Variants in NOS1 observed in about 807,000 individuals in gnomAD.
The protein encoded by NOS1 is nitric oxide synthase 1, also known as NOS type I.
In NOS1, 51 loss-of-function variants were observed where a neutral mutation model predicts 164.5. That is an observed-to-expected ratio of 0.31 (90% CI 0.25 to 0.39). NOS1 has a LOEUF of 0.39. Among genes scored for constraint, NOS1 ranks in the 10% least tolerant of loss-of-function variants. The pLI, the probability that NOS1 is intolerant of heterozygous loss-of-function variation, is 1.00. For synonymous variants in NOS1, 719 were observed against 745.8 expected (o/e 0.96, Z 0.59); for missense variants, 1,362 against 1,885.6 (o/e 0.72, Z 5.14).
intron 1 of NOS1, among the ~76,000 whole-genome samples, chr12:117,338,999 A>G (rs1593035041): frequency 6.6e-6 from 1 of 152,312 alleles, no homozygotes; most frequent in Non-Finnish European, 1.5e-5. Flanking sequence ...CAAAAGACTG[A>G]AAGCGTAAAC....
chr12:117,303,809 C>A (rs540130829), intron 3 of NOS1, among the ~76,000 whole-genome samples: 33 of 152,278 alleles, frequency 2.2e-4, no homozygotes, highest in African/African-American at 7.9e-4. Context: ...GGGAGGATGG[C>A]CCAACAGCAG....
chr12:117,226,397 A>G (rs1322447123), intron 24 of NOS1, among the ~76,000 whole-genome samples: 1 of 152,038 alleles, frequency 6.6e-6, no homozygotes, highest in African/African-American at 2.4e-5. Flanking sequence ...GAAGGTGGAG[A>G]CTGTATTTGC....
At chr12:117,237,242 C>T (rs113978891) in intron 20 of NOS1, among the ~76,000 whole-genome samples, 25 of 152,120 alleles carry the variant, frequency 1.6e-4, no homozygotes, top group African/African-American at 5.5e-4. Flanking sequence ...AGAGATTCTC[C>T]TGCCTCAGCC....
chr12:117,272,237 G>T lies in NOS1; in HGVS notation c.1839+148C>A, dbSNP rs563791932. 3 of 791,090 alleles carry T rather than the reference G, an allele frequency of 3.8e-6. No individual in the cohort carries two copies. In the East Asian group the frequency reaches 7.4e-5, roughly 20 times the overall value. The allele number at this position is 791,090 out of a possible 1,614,324, so 49.0% of individuals were successfully genotyped here. ...GTTGTTAAAGACATGGATGCCCCTG[G>T]CATTTCCAGGGGCTTCTCTGGGATT... On this transcript the variant is annotated intron_variant, in intron 10 of 28. Transcript: ENST00000317775. This position sits in a 1 kb window ranked among gnomAD's most constrained non-coding sequence, Gnocchi z 4.3.
At chr12:117,318,509 T>C (rs905304347) in intron 2 of NOS1, among the ~76,000 whole-genome samples, 3 of 152,234 alleles carry the variant, frequency 2.0e-5, no homozygotes, top group African/African-American at 7.2e-5. Flanking sequence ...TGGATGATCA[T>C]ACCCAAGCCA....
intron 22 of NOS1, among the ~76,000 whole-genome samples, chr12:117,229,867 G>A (rs1316509117): frequency 2.0e-5 from 3 of 152,238 alleles, no homozygotes; most frequent in Non-Finnish European, 4.4e-5. Flanking sequence ...GGGATCACAG[G>A]CGTGAGCCAC....
chr12:117,341,645 C>T (rs7134020), intron 1 of NOS1, among the ~76,000 whole-genome samples: 1,685 of 152,306 alleles, frequency 0.011, 34 homozygotes, highest in African/African-American at 0.038. Context: ...CACAGATGCA[C>T]TTCTGCCTCC....
At position 117,300,171 on chromosome 12, in the gene NOS1, T is replaced by C. The variant is rs146568370; in HGVS notation, c.853-9745A>G. Among the ~76,000 whole-genome samples, 512 of 152,262 alleles carry C rather than the reference T, an allele frequency of 3.4e-3. 3 individuals are homozygous for C. The highest frequency in any genetic ancestry group is 0.012 in the African/African-American group (485 of 41,540). ...GCCTCTGTTTGGTGGGAGGTTGGTT[T>C]TGGCAACTGATACCAATTTACAGAG... is the stretch of plus-strand genomic sequence containing the variant. On this transcript the variant is annotated intron_variant, in intron 3 of 28. Transcript: ENST00000317775.
At position 117,214,256 on chromosome 12, in the gene NOS1, T is replaced by C. The variant is rs1214832182; in HGVS notation, c.*1053A>G. 1.0e-6 allele frequency: 1 copy of C among 985,430 alleles called. No individual in the cohort carries two copies. Among genetic ancestry groups the C allele is most frequent in the Non-Finnish European group, 1.2e-6 (1 of 829,928 alleles). 61.0% of individuals were successfully genotyped at this position (985,430 alleles called of 1,614,324 possible). ...GTTTCCAGGCACCAAAGCTTTAACA[T>C]TTAATCCATTCATATTCTTTAGGTT... On this transcript the variant is annotated 3_prime_UTR_variant, in exon 29 of 29. Coordinates refer to ENST00000317775, the MANE Select transcript of NOS1 (RefSeq NM_000620.5).
chr12:117,295,707 A>G (rs934339756), intron 3 of NOS1, among the ~76,000 whole-genome samples: 6 of 144,382 alleles, frequency 4.2e-5, no homozygotes, highest in Non-Finnish European at 8.9e-5. Flanking sequence ...AACCTCCATC[A>G]TCTTCTGGGT....
At chr12:117,224,978 G>T in intron 25 of NOS1, 38 bp downstream of exon 25, 1 of 1,612,956 alleles carries the variant, frequency 6.2e-7, no homozygotes, top group Non-Finnish European at 8.5e-7. Context: ...CCCCAGGTCC[G>T]GGGGTGGGAA....
intron 3 of NOS1, among the ~76,000 whole-genome samples, chr12:117,293,453 T>C (rs1400936860): frequency 1.3e-5 from 2 of 152,116 alleles, no homozygotes; most frequent in East Asian, 3.9e-4. Context: ...CTAGAATCCA[T>C]TCACTCCTCT....
chr12:117,248,020 C>T (rs1262605452), intron 17 of NOS1, among the ~76,000 whole-genome samples: 1 of 151,188 alleles, frequency 6.6e-6, no homozygotes, highest in African/African-American at 2.4e-5. Flanking sequence ...CTCTCTCTAG[C>T]TCCCTCTCTC....
At chr12:117,277,593 CA>C (rs533956256) in intron 9 of NOS1, among the ~76,000 whole-genome samples, 1 of 150,100 alleles carries the variant, frequency 6.7e-6, no homozygotes, top group Non-Finnish European at 1.5e-5. Flanking sequence ...GACCCTGTCT[CA>C]AAAAAAAGAA....
chr12:117,325,741 C>T (rs574653666), intron 2 of NOS1, among the ~76,000 whole-genome samples: 20 of 152,272 alleles, frequency 1.3e-4, no homozygotes, highest in African/African-American at 4.8e-4. Flanking sequence ...ATCACCAAGG[C>T]GACGCTGCTC....
chr12:117,222,690 T>G, intron 26 of NOS1, 25 bp downstream of exon 26: 1 of 1,611,560 alleles, frequency 6.2e-7, no homozygotes, highest in Non-Finnish European at 8.5e-7. Flanking sequence ...TGGGCTGGGC[T>G]AGGGGGTGGG....
intron 1 of NOS1, among the ~76,000 whole-genome samples, chr12:117,348,739 C>G (rs1287014386): frequency 1.1e-4 from 16 of 152,122 alleles, no homozygotes; most frequent in Non-Finnish European, 2.4e-4. Context: ...CAAATTCACA[C>G]AAAGTGGCAC....
At chr12:117,271,983 G>A (rs1403932017) in intron 10 of NOS1, among the ~76,000 whole-genome samples, 2 of 152,272 alleles carry the variant, frequency 1.3e-5, no homozygotes, top group South Asian at 2.1e-4. Context: ...AAGACCGAGA[G>A]GCAGCGGAGT....
chr12:117,306,883 G>T (rs992570570), intron 3 of NOS1, among the ~76,000 whole-genome samples: 1 of 152,212 alleles, frequency 6.6e-6, no homozygotes, highest in African/African-American at 2.4e-5. Context: ...GCCTCCCAAA[G>T]TGCTGGGATT....
Sources: allele counts gnomAD v4.1 joint callset (sites outside exome capture counted in the v4.1 genomes callset), GRCh38; gene constraint gnomAD v4.1.1; non-coding constraint Gnocchi (gnomAD v3.1); transcripts MANE v1.5; gene names NCBI Gene and HGNC (gene_info 2026-07-23, HGNC 2026-07-21).